PCDHA8: variants seen among roughly 807,000 people sequenced by gnomAD.
PCDHA8 encodes the protein protocadherin alpha 8.
Under a neutral mutation model 61.8 loss-of-function variants are expected in PCDHA8, and 53 were observed. The ratio of observed to expected loss-of-function variants is 0.86; its 90% CI spans 0.69 to 1.08. The LOEUF is 1.08. Ranked by LOEUF, PCDHA8 falls within the 50% of genes least tolerant of loss-of-function variation. The pLI is 0.00. For synonymous variants in PCDHA8, 618 were observed against 556.6 expected, an observed-to-expected ratio of 1.11 and a Z score of -1.55; for missense variants, 1,293 against 1,245.0, an observed-to-expected ratio of 1.04 and a Z score of -0.58.
intron 3 of PCDHA8, among the ~76,000 whole-genome samples, chr5:141,006,502 C>T (rs987435396): frequency 1.8e-4 from 28 of 152,118 alleles, no homozygotes; most frequent in African/African-American, 2.9e-4. Context: ...TGTGAGCCAC[C>T]GCGCCTGGCT....
At chr5:140,987,275 CTA>C (rs1554249023) in intron 3 of PCDHA8, among the ~76,000 whole-genome samples, 1 of 151,726 alleles carries the variant, frequency 6.6e-6, no homozygotes, top group Non-Finnish European at 1.5e-5. Context: ...ACCCGGCAGT[CTA>C]TGTTTTAACA....
chr5:140,927,904 C>T, intron 1 of PCDHA8: 5 of 1,614,202 alleles, frequency 3.1e-6, no homozygotes, highest in Non-Finnish European at 4.2e-6. Flanking sequence ...CGATCATGCC[C>T]CCGAACTGGA....
chr5:140,966,937 C>T (rs2096072123), intron 1 of PCDHA8: 6 of 1,604,032 alleles, frequency 3.7e-6, no homozygotes, highest in Non-Finnish European at 5.1e-6. Flanking sequence ...CCGGCGCGCT[C>T]GTGGGCAACG....
intron 1 of PCDHA8, chr5:140,876,199 G>C: frequency 6.2e-7 from 1 of 1,613,940 alleles, no homozygotes; most frequent in South Asian, 1.1e-5. Flanking sequence ...TCCGGCGTTT[G>C]ATAAGCCCAG....
intron 1 of PCDHA8, chr5:140,928,749 T>A: frequency 1.2e-6 from 2 of 1,614,194 alleles, no homozygotes; most frequent in Non-Finnish European, 1.7e-6. Flanking sequence ...GTGAGCTCCG[T>A]ACTGCTCGCT....
chr5:140,842,946 T>C lies in PCDHA8; in HGVS notation c.1625T>C (p.Val542Ala), dbSNP rs2150348496. 6.3e-7 allele frequency: 1 copy of C among 1,594,616 alleles called. No individual in the cohort carries two copies. Among genetic ancestry groups the C allele is most frequent in the Non-Finnish European group, 8.6e-7 (1 of 1,165,448 alleles). Residue 542 changes from valine (V) to alanine (A), a missense_variant, in exon 1 of 4, where the codon GTG becomes GCG. Coordinates refer to ENST00000531613, the MANE Select transcript of PCDHA8 (RefSeq NM_018911.3). ...CAGGTGAGCGCGCGCGACGCGGGCG[T>C]GCCGCCTCTGGGCAGCAACGTGACG... ...QFQVSARDAG[V>A]PPLGSNVTLQ...
intron 1 of PCDHA8, chr5:140,877,802 A>C: frequency 6.2e-7 from 1 of 1,613,434 alleles, no homozygotes; most frequent in Non-Finnish European, 8.5e-7. Flanking sequence ...CCAAGCCTTC[A>C]GCTGTCTCGA....
intron 1 of PCDHA8, chr5:140,969,549 C>A: frequency 1.6e-6 from 2 of 1,238,176 alleles, no homozygotes; most frequent in South Asian, 3.3e-5. Context: ...AGGCATGAAG[C>A]CTTGTCCATA....
At chr5:140,862,382 G>A (rs1213049114) in intron 1 of PCDHA8, 1 of 345,048 alleles carries the variant, frequency 2.9e-6, no homozygotes, top group East Asian at 7.5e-5. Context: ...GACTCCTCAC[G>A]TCTCTTCAAG....
At chr5:140,926,861 G>T in intron 1 of PCDHA8, 1 of 1,522,578 alleles carries the variant, frequency 6.6e-7, no homozygotes, top group Non-Finnish European at 8.8e-7. Flanking sequence ...TTGGTGTAGC[G>T]TGTTGGTGGA....
At chr5:141,001,384 A>G (rs1554258149) in intron 3 of PCDHA8, among the ~76,000 whole-genome samples, 1 of 152,204 alleles carries the variant, frequency 6.6e-6, no homozygotes, top group African/African-American at 2.4e-5. Context: ...AGAGCCTAAG[A>G]TCCTACAGAG....
In PCDHA8 at chr5:140,890,236, T is replaced by C. The variant is rs79211810; in HGVS notation, c.2394+46521T>C. 1.2e-3 allele frequency among the ~76,000 whole-genome samples: 183 copies of C among 152,244 alleles called. 1 individual carries two copies. Among genetic ancestry groups the C allele is most frequent in the African/African-American group, 4.0e-3 (168 of 41,532 alleles). ...CCCAGAGACCTAGTTGTTAAGCATT[T>C]ACCAGTACACTACTGCACCTGATTG... On this transcript the variant is annotated intron_variant, in intron 1 of 3. Transcript: ENST00000531613.
At chr5:140,858,420 G>C in intron 1 of PCDHA8, 4 of 1,558,504 alleles carry the variant, frequency 2.6e-6, no homozygotes, top group South Asian at 1.1e-5. Context: ...TCTATTGGAG[G>C]GGACCACTCT....
Position 140,843,942 on chromosome 5 carries a change from A to C in PCDHA8, c.2394+227A>C, listed in dbSNP as rs1779153148. On this transcript the variant is annotated intron_variant, in intron 1 of 3. Transcript: ENST00000531613. ...TTGAAACTCAAGTTATGGTTGGATG[A>C]TATCCATTTTTTACTGAATATTTAT... 11 of 569,722 alleles carry C rather than the reference A, an allele frequency of 1.9e-5. 1 individual carries two copies. The East Asian group carries it at 3.2e-4, about 17-fold the overall frequency. 35.3% of individuals were successfully genotyped at this position (569,722 alleles called of 1,614,324 possible).
At chr5:140,924,811 C>A (rs1209918868) in intron 1 of PCDHA8, among the ~76,000 whole-genome samples, 6 of 151,654 alleles carry the variant, frequency 4.0e-5, no homozygotes, top group Admixed American at 3.3e-4. Context: ...AAGAGAATCG[C>A]TTGAACCTGG....
At chr5:140,968,969 A>C in intron 1 of PCDHA8, 2 of 1,614,230 alleles carry the variant, frequency 1.2e-6, no homozygotes. Flanking sequence ...CTACCGCTAC[A>C]CTGCGTATGG....
At chr5:140,960,629 A>C (rs1370416431) in intron 1 of PCDHA8, among the ~76,000 whole-genome samples, 1 of 152,192 alleles carries the variant, frequency 6.6e-6, no homozygotes, top group Admixed American at 6.5e-5. Flanking sequence ...TTTGAAATAT[A>C]TTTTTAAAAC....
intron 3 of PCDHA8, among the ~76,000 whole-genome samples, chr5:141,000,587 C>A (rs181671847): frequency 0.01 from 1,575 of 150,790 alleles, 20 homozygotes; most frequent in Non-Finnish European, 0.016. Context: ...GCCACCATGC[C>A]CAGCTAATTT....
intron 3 of PCDHA8, among the ~76,000 whole-genome samples, chr5:140,996,992 T>A (rs565740982): frequency 3.9e-5 from 6 of 152,324 alleles, no homozygotes; most frequent in African/African-American, 1.4e-4. Flanking sequence ...CAACCACTGT[T>A]AACAATTTTG....
Sources: gnomAD v4.1 joint callset for allele counts (sites outside exome capture counted in the v4.1 genomes callset) on GRCh38, gnomAD v4.1.1 for gene constraint, MANE v1.5 for transcripts, NCBI Gene and HGNC (gene_info 2026-07-23, HGNC 2026-07-21) for gene names.